Variants in MYO15A observed in about 807,000 individuals in gnomAD.
The protein encoded by MYO15A is unconventional myosin-XV.
MYO15A carries 308 observed loss-of-function variants against 394.6 expected under a neutral mutation model. The observed-to-expected ratio is 0.78, with a 90% CI of 0.71 to 0.86. The LOEUF (loss-of-function observed/expected upper bound fraction) is 0.86. Ranked by LOEUF, MYO15A falls within the 40% of genes least tolerant of loss-of-function variation. The pLI is 0.00. For synonymous variants in MYO15A, 1,957 were observed against 2,003.8 expected (o/e 0.98, Z 0.62); for missense variants, 4,606 against 4,799.1 (o/e 0.96, Z 1.19).
rs781392632 is a variant in MYO15A, at chr17:18,119,762, G to A, written c.962G>A (p.Gly321Glu). The change falls in exon 2 of 66, where the codon GGG (glycine) becomes GAG (glutamate). Residue 321 changes from glycine (G) to glutamate (E), a missense_variant. This residue lies in a region of MYO15A where 1,830 missense variants were observed against 1,689.7 expected (regional missense o/e 1.08). Coordinates refer to ENST00000647165, the MANE Select transcript of MYO15A (RefSeq NM_016239.4). ...DYEPPYAPPS[G>E]YSSPYSYHDG... ...GAACCCCCATATGCGCCCCCGTCGGGGTACTCGTCTCCTTACAGCTACCAC... is the reference window on the plus strand; with the variant it reads ...GAACCCCCATATGCGCCCCCGTCGGAGTACTCGTCTCCTTACAGCTACCAC... 6.2e-7 allele frequency: 1 copy of A among 1,612,788 alleles called. No individual in the cohort carries two copies. Among genetic ancestry groups the A allele is most frequent in the South Asian group, 1.1e-5 (1 of 91,082 alleles).
intron 7 of MYO15A, among the ~76,000 whole-genome samples, chr17:18,127,586 G>A (rs1220935709): frequency 1.3e-5 from 2 of 152,122 alleles, no homozygotes; most frequent in African/African-American, 4.8e-5. Flanking sequence ...GGTTAGGGGT[G>A]GGGTGGGGGA....
chr17:18,155,808 C>T (rs969797108), intron 47 of MYO15A: 4 of 420,524 alleles, frequency 9.5e-6, no homozygotes, highest in African/African-American at 8.1e-5. Context: ...GCTAGAAGTC[C>T]CTTTTGTCCT....
At position 18,153,702 on chromosome 17, in the gene MYO15A, AATAT is replaced by A; in HGVS notation, c.7967-62_7967-59del. 3 of 1,288,434 alleles carry A rather than the reference AATAT, an allele frequency of 2.3e-6. No individual in the cohort carries two copies. Among genetic ancestry groups the A allele is most frequent in the African/African-American group, 1.6e-5 (1 of 63,426 alleles). 79.8% of individuals were successfully genotyped at this position (1,288,434 alleles called of 1,614,324 possible). ...GACAACAGCGAAACTCCGTCTCAAA[AATAT>A]ATATATATATTAATTAAATAAAAAA... On this transcript the variant is annotated intron_variant, in intron 42 of 65. Coordinates refer to ENST00000647165, the MANE Select transcript of MYO15A (RefSeq NM_016239.4). This position sits in a 1 kb window ranked among gnomAD's most constrained non-coding sequence, Gnocchi z 4.1.
In MYO15A at chr17:18,140,744, C is replaced by G. The variant is rs1288006942; in HGVS notation, c.5361-43C>G. ...ATGACCCTCAGAGGTTGAGCGCCTTCTTTTTCTGAGGCCTCATGCTGTCCT... is the reference window on the plus strand; with the variant it reads ...ATGACCCTCAGAGGTTGAGCGCCTTGTTTTTCTGAGGCCTCATGCTGTCCT... On this transcript the variant is annotated intron_variant, in intron 20 of 65. Transcript: ENST00000647165. 3 of 1,614,186 alleles carry G rather than the reference C, an allele frequency of 1.9e-6. No homozygotes were observed. The South Asian group carries it at 3.3e-5, about 18-fold the overall frequency.
chr17:18,159,938 T>C lies in MYO15A; in HGVS notation c.9307T>C (p.Cys3103Arg). ...TAACCTCCCTGCCCCCCTTCAGCTG[T>C]GCGGGGACCATGAGGTCATGCGGGA... is the stretch of plus-strand genomic sequence containing the variant. ...LDVLCNLLKL[C>R]GDHEVMRDEC... Residue 3103 changes from cysteine to arginine, a missense_variant, in exon 56 of 66, where the codon TGC becomes CGC. Transcript: ENST00000647165. The C allele has an allele frequency of 1.9e-6, 3 of 1,614,086 alleles. No homozygotes were observed. Among genetic ancestry groups the C allele is most frequent in the Non-Finnish European group, 2.5e-6 (3 of 1,179,984 alleles).
chr17:18,161,259 T>C, intron 56 of MYO15A, 58 bp from the exon 57 acceptor site: 1 of 1,598,118 alleles, frequency 6.3e-7, no homozygotes, highest in Non-Finnish European at 8.5e-7. Context: ...CCCAGGAGGC[T>C]CTTGGCACAC....
In MYO15A at chr17:18,157,920, G is replaced by C; in HGVS notation, c.8967+20G>C. On this transcript the variant is annotated intron_variant, in intron 51 of 65. Coordinates refer to ENST00000647165, the MANE Select transcript of MYO15A (RefSeq NM_016239.4). ...AGAGAGGTGAGACCAGTGTGGGTGG[G>C]GTGGGGCGGGGTAGACCAGGGGGAA... The C allele has an allele frequency of 6.9e-7, 1 of 1,452,062 alleles. No homozygotes were observed. Among genetic ancestry groups the C allele is most frequent in the Non-Finnish European group, 9.0e-7 (1 of 1,105,140 alleles). 89.9% of individuals were successfully genotyped at this position (1,452,062 alleles called of 1,614,324 possible). A position where few individuals can be genotyped will look rare whatever the true frequency, so the allele number is the denominator to read the frequency against.
At chr17:18,133,129 T>G in intron 11 of MYO15A, 96 bp from the exon 12 acceptor site, 3 of 1,323,756 alleles carry the variant, frequency 2.3e-6, no homozygotes, top group Non-Finnish European at 3.2e-6. Flanking sequence ...AGTGACCAAC[T>G]CAGGCCACCA....
rs2045874037 is a variant in MYO15A at position 18,119,807 on chromosome 17, C to T, written c.1007C>T (p.Ala336Val). ...YSYHDGYEGEAHPYGYYLDPY... is the reference protein window; with the variant it reads ...YSYHDGYEGEVHPYGYYLDPY... ...TACCACGATGGGTACGAGGGCGAGG[C>T]GCACCCTTATGGCTACTACCTGGAT... The change falls in exon 2 of 66, where the codon GCG (alanine) becomes GTG (valine). Residue 336 changes from alanine (A) to valine (V), a missense_variant. Transcript: ENST00000647165. 1.2e-6 allele frequency: 2 copies of T among 1,613,156 alleles called. No individual in the cohort carries two copies. Among genetic ancestry groups the T allele is most frequent in the Non-Finnish European group, 1.7e-6 (2 of 1,179,998 alleles).
In MYO15A at chr17:18,114,149, C is replaced by T. The variant is rs556993547; in HGVS notation, c.-219-4433C>T. Among the ~76,000 whole-genome samples, 6 of 151,726 alleles carry T rather than the reference C, an allele frequency of 4.0e-5. No homozygotes were observed. The South Asian group carries it at 8.3e-4, about 21-fold the overall frequency. The stretch of plus-strand genomic sequence containing the variant: ...TTTTTAAAACAATCAATATATAATC[C>T]GCACTCCATACAATTCACCCATCAA... On this transcript the variant is annotated intron_variant, in intron 1 of 65. Coordinates refer to ENST00000647165, the MANE Select transcript of MYO15A (RefSeq NM_016239.4).
intron 3 of MYO15A, 37 bp from the exon 4 acceptor site, chr17:18,125,131 C>T (rs1005514499): frequency 2.5e-6 from 4 of 1,603,994 alleles, no homozygotes; most frequent in East Asian, 4.5e-5. Flanking sequence ...AGAACCAGCC[C>T]TGGGGGCACT....
In MYO15A at chr17:18,142,830, G is replaced by T; in HGVS notation, c.5900G>T (p.Arg1967Leu). ...GTACACGCATACGTGAGCCGCCGAC[G>T]CTATCTCAAGGTATAGGCCCTACCC... ...SLVHAYVSRRRYLKLRAEWRC... is the reference protein window; with the variant it reads ...SLVHAYVSRRLYLKLRAEWRC... Residue 1967 changes from arginine to leucine, a missense_variant, in exon 25 of 66, where the codon CGC (arginine) becomes CTC (leucine). Physicochemically the swap from Arg to Leu is moderately radical, Grantham distance 102. Coordinates refer to ENST00000647165, the MANE Select transcript of MYO15A (RefSeq NM_016239.4). The T allele has an allele frequency of 6.2e-7, 1 of 1,611,802 alleles. No homozygotes were observed. Among genetic ancestry groups the T allele is most frequent in the Non-Finnish European group, 8.5e-7 (1 of 1,179,128 alleles).
intron 5 of MYO15A, 119 bp downstream of exon 5, chr17:18,126,575 A>C (rs1597769062): frequency 4.5e-6 from 5 of 1,107,994 alleles, no homozygotes; most frequent in African/African-American, 1.6e-5. Context: ...AAGGCAGCCC[A>C]CCTACTCAAT....
intron 30 of MYO15A, among the ~76,000 whole-genome samples, 174 bp downstream of exon 30, chr17:18,146,281 G>A (rs1186878230): frequency 6.6e-6 from 1 of 152,190 alleles, no homozygotes; most frequent in Non-Finnish European, 1.5e-5. Context: ...AAGAAAGGAG[G>A]GCAGGCCTTC....
intron 18 of MYO15A, 140 bp from the exon 19 acceptor site, chr17:18,139,394 A>C: frequency 9.9e-7 from 1 of 1,014,526 alleles, no homozygotes; most frequent in African/African-American, 1.6e-5. Flanking sequence ...GCCATGGCGA[A>C]TGCTCCCCTC....
At chr17:18,118,420 A>C (rs1006553529) in intron 1 of MYO15A, among the ~76,000 whole-genome samples, 162 bp from the exon 2 acceptor site, 2 of 152,202 alleles carry the variant, frequency 1.3e-5, no homozygotes, top group Non-Finnish European at 2.9e-5. Context: ...GGCTCCCTTC[A>C]TGGGGTTGAG....
At chr17:18,136,371 CAG>C in intron 13 of MYO15A, 44 bp from the exon 14 acceptor site, 1 of 1,611,196 alleles carries the variant, frequency 6.2e-7, no homozygotes, top group Non-Finnish European at 8.5e-7. Context: ...TTTCCGGAGG[CAG>C]AGTGGCCAGC....
At position 18,152,291 on chromosome 17, in the gene MYO15A, CCT is replaced by C. The variant is rs1487858189; in HGVS notation, c.7966+108_7966+109del. 4.5e-6 allele frequency: 5 copies of C among 1,099,602 alleles called. No homozygotes were observed. The African/African-American group carries it at 6.2e-5, about 14-fold the overall frequency. 68.1% of individuals were successfully genotyped at this position (1,099,602 alleles called of 1,614,324 possible). A position where few individuals can be genotyped will look rare whatever the true frequency, so the allele number is the denominator to read the frequency against. Reference sequence around the variant, plus strand: ...GTGTGTGTGTCTATGTCCCTGAGCCCCTGTGTACATCTTGTGAGCACATTGGT... The same window carrying C: ...GTGTGTGTGTCTATGTCCCTGAGCCCGTGTACATCTTGTGAGCACATTGGT... On this transcript the variant is annotated intron_variant, in intron 42 of 65. Coordinates refer to ENST00000647165, the MANE Select transcript of MYO15A (RefSeq NM_016239.4).
intron 55 of MYO15A, 115 bp from the exon 56 acceptor site, chr17:18,159,820 G>A (rs773233275): frequency 1.4e-6 from 2 of 1,447,384 alleles, no homozygotes; most frequent in East Asian, 4.7e-5. Context: ...GTGGGGAGGG[G>A]GCTGGGAAAG....
Sources: allele counts gnomAD v4.1 joint callset (sites outside exome capture counted in the v4.1 genomes callset), GRCh38; gene constraint gnomAD v4.1.1; regional missense constraint gnomAD v4.1.1; non-coding constraint Gnocchi (gnomAD v3.1); transcripts MANE v1.5; gene names NCBI Gene and HGNC (gene_info 2026-07-23, HGNC 2026-07-21).